SPOCK1: variants seen among roughly 807,000 people sequenced by gnomAD.
SPOCK1 encodes the protein testican-1.
In SPOCK1, 23 loss-of-function variants were observed where a neutral mutation model predicts 55.3. The ratio of observed to expected loss-of-function variants is 0.42; its 90% confidence interval spans 0.30 to 0.59. SPOCK1 has a LOEUF of 0.59. Among genes scored for constraint, SPOCK1 ranks in the 20% least tolerant of loss-of-function variants. The pLI, the probability that SPOCK1 is intolerant of heterozygous loss-of-function variation, is 0.22. For missense variants in SPOCK1, 499 were observed against 552.5 expected (o/e 0.90, Z 0.97); for synonymous variants, 226 against 221.0 (o/e 1.02, Z -0.20).
At chr5:137,042,930 GAAC>G (rs1268069510) in intron 6 of SPOCK1, among the ~76,000 whole-genome samples, 3 of 152,076 alleles carry the variant, frequency 2.0e-5, no homozygotes, top group Non-Finnish European at 4.4e-5. Context: ...TGAGAGTGCA[GAAC>G]AACAACATTC....
In SPOCK1 at chr5:136,976,240, T is replaced by C. The variant is rs1750613529; in HGVS notation, c.*2414A>G. The C allele has an allele frequency of 6.6e-6, 1 of 152,262 alleles. No individual in the cohort carries two copies. Among genetic ancestry groups the C allele is most frequent in the Admixed American group, 6.5e-5 (1 of 15,276 alleles). The allele number at this position is 152,262 out of a possible 1,614,324, so 9.4% of individuals were successfully genotyped here. A position where few individuals can be genotyped will look rare whatever the true frequency, so the allele number is the denominator to read the frequency against. On this transcript the variant is annotated 3_prime_UTR_variant, in exon 11 of 11. Transcript: ENST00000394945. ...GTATTATTAATGTGGCTCCATCGATTTGGGGGTTCCAATCTGAGGAGGGCT... is the reference window on the plus strand; with the variant it reads ...GTATTATTAATGTGGCTCCATCGATCTGGGGGTTCCAATCTGAGGAGGGCT...
chr5:137,443,896 C>T, intron 2 of SPOCK1, among the ~76,000 whole-genome samples: 1 of 152,174 alleles, frequency 6.6e-6, no homozygotes, highest in East Asian at 1.9e-4. Context: ...TGTTTAAAAT[C>T]CTTCAGTAGG....
chr5:137,467,021 AC>A (rs1753635869), intron 2 of SPOCK1, among the ~76,000 whole-genome samples: 3 of 152,364 alleles, frequency 2.0e-5, no homozygotes, highest in Admixed American at 6.5e-5. Flanking sequence ...ATCCTCAGGA[AC>A]TACTGGGCTG....
intron 2 of SPOCK1, among the ~76,000 whole-genome samples, chr5:137,401,663 T>A (rs556593281): frequency 6.6e-6 from 1 of 152,106 alleles, no homozygotes; most frequent in Non-Finnish European, 1.5e-5. Flanking sequence ...GAGGATCACT[T>A]GAGTCCAGGA....
intron 3 of SPOCK1, among the ~76,000 whole-genome samples, chr5:137,257,580 A>T (rs571414410): frequency 2.0e-5 from 3 of 152,324 alleles, no homozygotes; most frequent in African/African-American, 4.8e-5. Flanking sequence ...TACTGTTTGT[A>T]GGCCACCCGG....
chr5:137,324,194 C>T (rs1758032341), intron 2 of SPOCK1, among the ~76,000 whole-genome samples: 1 of 152,132 alleles, frequency 6.6e-6, no homozygotes, highest in African/African-American at 2.4e-5. Context: ...CCTGTAATTC[C>T]AGCAATTTGG....
At chr5:137,200,441 C>T (rs1755403436) in intron 3 of SPOCK1, among the ~76,000 whole-genome samples, 1 of 152,160 alleles carries the variant, frequency 6.6e-6, no homozygotes, top group Non-Finnish European at 1.5e-5. Context: ...GACACTTACA[C>T]TACCAGACTC....
At position 136,990,058 on chromosome 5, in the gene SPOCK1, C is replaced by T. The variant is rs191407130; in HGVS notation, c.707-1415G>A. The stretch of plus-strand genomic sequence containing the variant: ...CTGAGTGGCTGGGACTACAGGTGCC[C>T]GCCACCATGCCCAGCTAATTTTTTT... On this transcript the variant is annotated intron_variant, in intron 7 of 10. Coordinates refer to ENST00000394945, the MANE Select transcript of SPOCK1 (RefSeq NM_004598.4). 1.1e-3 allele frequency among the ~76,000 whole-genome samples: 163 copies of T among 152,104 alleles called. 1 individual carries two copies. The highest frequency in any genetic ancestry group is 3.3e-3 in the Admixed American group (50 of 15,266).
chr5:137,340,324 C>T (rs1750391438), intron 2 of SPOCK1, among the ~76,000 whole-genome samples: 1 of 152,190 alleles, frequency 6.6e-6, no homozygotes, highest in Non-Finnish European at 1.5e-5. Context: ...CTTCCTGGAA[C>T]TCCCCAATAA....
intron 5 of SPOCK1, among the ~76,000 whole-genome samples, chr5:137,078,178 C>T (rs7707374): frequency 0.59 from 90,267 of 151,984 alleles, 27,568 homozygotes; most frequent in East Asian, 0.72. Context: ...GCAGAGACCT[C>T]GTTCACATGT....
rs1219483507 is a variant in SPOCK1 at position 136,976,680 on chromosome 5, A to T, written c.*1974T>A. 6.6e-6 allele frequency: 1 copy of T among 152,632 alleles called. No homozygotes were observed. Among genetic ancestry groups the T allele is most frequent in the Non-Finnish European group, 1.5e-5 (1 of 68,036 alleles). The allele number at this position is 152,632 out of a possible 1,614,324, so 9.5% of individuals were successfully genotyped here. A position where few individuals can be genotyped will look rare whatever the true frequency, so the allele number is the denominator to read the frequency against. On this transcript the variant is annotated 3_prime_UTR_variant, in exon 11 of 11. Transcript: ENST00000394945. ...GTTTTGTTCAAGAGAGAAAAAAAAT[A>T]TTGAAACAAAGGTGATGGAGTTGAG...
intron 3 of SPOCK1, among the ~76,000 whole-genome samples, chr5:137,252,179 G>A (rs1232421039): frequency 1.3e-5 from 2 of 152,178 alleles, no homozygotes; most frequent in Non-Finnish European, 2.9e-5. Flanking sequence ...ACCCGCCTCG[G>A]CCTCCCAAAG....
Position 137,160,114 on chromosome 5 carries a change from T to C in SPOCK1, c.233-19420A>G, listed in dbSNP as rs187175522. 5.2e-3 allele frequency among the ~76,000 whole-genome samples: 788 copies of C among 151,744 alleles called. 7 individuals carry two copies. Among genetic ancestry groups the C allele is most frequent in the African/African-American group, 0.019 (774 of 41,388 alleles). ...TTGTAGTCTTTTATCCCTCACGCCC[T>C]TCCCACTCTTCCCAAGTCCCCAAAG... On this transcript the variant is annotated intron_variant, in intron 3 of 10. Coordinates refer to ENST00000394945, the MANE Select transcript of SPOCK1 (RefSeq NM_004598.4).
intron 2 of SPOCK1, among the ~76,000 whole-genome samples, chr5:137,344,579 T>C (rs761813506): frequency 3.9e-5 from 6 of 152,154 alleles, no homozygotes; most frequent in Non-Finnish European, 7.3e-5. Context: ...GCCACTGACA[T>C]TTAGTGGGTA....
At chr5:137,036,080 A>G (rs17599856) in intron 6 of SPOCK1, among the ~76,000 whole-genome samples, 2,753 of 152,236 alleles carry the variant, frequency 0.018, 44 homozygotes, top group South Asian at 0.032. Context: ...AGGAAATCAT[A>G]TGTCCCTGAC....
chr5:137,488,912 T>C (rs1051273214), intron 2 of SPOCK1, among the ~76,000 whole-genome samples: 4 of 152,118 alleles, frequency 2.6e-5, no homozygotes, highest in Non-Finnish European at 4.4e-5. Context: ...ATGTCCGCCC[T>C]TCCTCCCTTT....
chr5:137,420,993 T>G (rs1329145731), intron 2 of SPOCK1, among the ~76,000 whole-genome samples: 1 of 152,242 alleles, frequency 6.6e-6, no homozygotes, highest in East Asian at 1.9e-4. Flanking sequence ...TCTGGTATGT[T>G]GTGTCTTTGT....
At chr5:137,034,249 A>T (rs1751836600) in intron 6 of SPOCK1, among the ~76,000 whole-genome samples, 1 of 152,174 alleles carries the variant, frequency 6.6e-6, no homozygotes, top group African/African-American at 2.4e-5. Context: ...GCTTTTCAAC[A>T]GAGAGTGAAG....
chr5:137,429,791 G>T (rs942470353), intron 2 of SPOCK1, among the ~76,000 whole-genome samples: 2 of 152,206 alleles, frequency 1.3e-5, no homozygotes, highest in African/African-American at 4.8e-5. Context: ...TAACCCAAAA[G>T]AGAGGAGAAA....
Sources: allele counts gnomAD v4.1 joint callset (sites outside exome capture counted in the v4.1 genomes callset), GRCh38; gene constraint gnomAD v4.1.1; transcripts MANE v1.5; gene names NCBI Gene and HGNC (gene_info 2026-07-23, HGNC 2026-07-21).